Variants in DIAPH1 observed in about 807,000 individuals in gnomAD.
DIAPH1 encodes diaphanous related formin 1.
DIAPH1 carries 46 observed loss-of-function variants against 140.7 expected under a neutral mutation model. The ratio of observed to expected loss-of-function variants is 0.33; its 90% CI spans 0.26 to 0.42. DIAPH1 has a LOEUF of 0.42. DIAPH1 is among the 10% of genes least tolerant of loss of function. The probability of loss-of-function intolerance (pLI) is 1.00; values close to 1 mark genes in which losing one functional copy is unlikely to be tolerated. For synonymous variants in DIAPH1, 565 were observed against 551.6 expected, an observed-to-expected ratio of 1.02 and a Z score of -0.34; for missense variants, 1,310 against 1,558.7, an observed-to-expected ratio of 0.84 and a Z score of 2.69.
At chr5:141,552,189 T>C (rs1402091200) in intron 18 of DIAPH1, among the ~76,000 whole-genome samples, 1 of 151,782 alleles carries the variant, frequency 6.6e-6, no homozygotes, top group Non-Finnish European at 1.5e-5. Flanking sequence ...AAGTTGTTTT[T>C]GTTGTTTTTT....
intron 1 of DIAPH1, among the ~76,000 whole-genome samples, chr5:141,613,106 G>C (rs2099902102): frequency 6.6e-6 from 1 of 152,074 alleles, no homozygotes. Context: ...TTCCCAGATA[G>C]CTACTAAGGA....
chr5:141,567,549 G>T (rs760928426), intron 18 of DIAPH1, among the ~76,000 whole-genome samples: 4 of 152,126 alleles, frequency 2.6e-5, no homozygotes, highest in Admixed American at 1.3e-4. Context: ...CGATTTGAGT[G>T]GAATAAGAAA....
At chr5:141,595,053 AAAAG>A (rs2099899098) in intron 1 of DIAPH1, among the ~76,000 whole-genome samples, 1 of 151,946 alleles carries the variant, frequency 6.6e-6, no homozygotes, top group East Asian at 1.9e-4. Context: ...AAAAAAAAAA[AAAAG>A]AAAGAAAAAA....
intron 20 of DIAPH1, 106 bp from the exon 21 acceptor site, chr5:141,529,379 CAGAA>C (rs2099887867): frequency 2.0e-6 from 2 of 1,007,380 alleles, no homozygotes; most frequent in East Asian, 4.9e-5. Flanking sequence ...AAGGACCATA[CAGAA>C]AGAAACATAT....
In DIAPH1 at chr5:141,573,959, G is replaced by A. The variant is rs769926497; in HGVS notation, c.1891C>T (p.Pro631Ser). 11 of 1,551,696 alleles carry A rather than the reference G, an allele frequency of 7.1e-6. No homozygotes were observed. In the African/African-American group the frequency reaches 9.6e-5, roughly 14 times the overall value. The change falls in exon 16 of 28, where the codon CCT becomes TCT. Residue 631 changes from proline (P) to serine (S), a missense_variant. By Grantham distance (74) the Pro-to-Ser change is moderately conservative (BLOSUM62 -1). Around this residue, in one of 3 missense-constraint regions of DIAPH1, gnomAD observed 589 missense variants for 549.3 expected, o/e 1.07. Coordinates refer to ENST00000389054, the MANE Select transcript of DIAPH1 (RefSeq NM_005219.5). Reference protein sequence around the residue: ...LPGGVCISSPPSLPGGTAISP... With the variant: ...LPGGVCISSPSSLPGGTAISP... ...ATAGCAGTACCTCCAGGTAAAGAAG[G>A]GGGTGAGGAGATGCAAACACCCCCA...
At position 141,573,666 on chromosome 5, in the gene DIAPH1, T is replaced by G. The variant is rs2099895531; in HGVS notation, c.2184A>C (p.Pro728=). Residue 728 remains proline (P), a synonymous_variant, in exon 16 of 28, where the codon CCA becomes CCC. Coordinates refer to ENST00000389054, the MANE Select transcript of DIAPH1 (RefSeq NM_005219.5). ...PPLPGGPGIP[P]PPPFPGGPGI... Reference sequence around the variant, plus strand: ...CAGGGCCTCCGGGAAATGGAGGAGGTGGAGGGATTCCAGGACCACCAGGAA... The same window carrying G: ...CAGGGCCTCCGGGAAATGGAGGAGGGGGAGGGATTCCAGGACCACCAGGAA... The G allele has an allele frequency of 6.3e-7, 1 of 1,596,102 alleles. No individual in the cohort carries two copies. The highest frequency in any genetic ancestry group is 8.5e-7 in the Non-Finnish European group (1 of 1,173,574).
At chr5:141,576,395 T>A in intron 13 of DIAPH1, 101 bp from the exon 14 acceptor site, 1 of 989,322 alleles carries the variant, frequency 1.0e-6, no homozygotes, top group Non-Finnish European at 1.6e-6. Flanking sequence ...TCATTTTTAT[T>A]ATCTTTCTTA....
rs573028461 is a variant in DIAPH1 at position 141,597,827 on chromosome 5, G to T, written c.118-9577C>A. 2.0e-5 allele frequency among the ~76,000 whole-genome samples: 3 copies of T among 152,232 alleles called. No homozygotes were observed. The South Asian group carries it at 6.2e-4, about 32-fold the overall frequency. The stretch of plus-strand genomic sequence containing the variant: ...TCTTTCCTTCTCTGCTCTACTACCT[G>T]GACTGTCAAGGATACTCATTCCCAC... On this transcript the variant is annotated intron_variant, in intron 1 of 27. Coordinates refer to ENST00000389054, the MANE Select transcript of DIAPH1 (RefSeq NM_005219.5).
intron 1 of DIAPH1, among the ~76,000 whole-genome samples, chr5:141,612,732 G>T (rs1055954266): frequency 1.2e-4 from 18 of 152,136 alleles, no homozygotes; most frequent in African/African-American, 4.3e-4. Flanking sequence ...ATGGTTTCAT[G>T]AATAAATATG....
At chr5:141,532,865 A>G (rs1444146167) in intron 19 of DIAPH1, among the ~76,000 whole-genome samples, 2 of 152,236 alleles carry the variant, frequency 1.3e-5, no homozygotes, top group African/African-American at 4.8e-5. Context: ...TCTTTCTTGT[A>G]TCATTTTTTA....
chr5:141,562,922 G>C (rs1263627746), intron 18 of DIAPH1: 1 of 152,148 alleles, frequency 6.6e-6, no homozygotes, highest in Non-Finnish European at 1.5e-5. Context: ...TTTGACACTT[G>C]CTAGATATCC....
intron 1 of DIAPH1, chr5:141,618,514 G>C (rs960134930): frequency 5.9e-6 from 2 of 336,502 alleles, no homozygotes; most frequent in Admixed American, 5.1e-5. Context: ...GGAGAGACGG[G>C]GCTGAGAGCC....
At chr5:141,578,145 C>A in intron 11 of DIAPH1, 80 bp downstream of exon 11, 2 of 1,075,316 alleles carry the variant, frequency 1.9e-6, no homozygotes, top group South Asian at 2.5e-5. Flanking sequence ...CATCATCTCC[C>A]AAACCATTCC....
chr5:141,591,565 G>A (rs891571330), intron 1 of DIAPH1, among the ~76,000 whole-genome samples: 2 of 150,514 alleles, frequency 1.3e-5, no homozygotes, highest in African/African-American at 4.9e-5. Context: ...GGGATGAGTT[G>A]GATACAGAAC....
At chr5:141,593,988 G>T (rs555581283) in intron 1 of DIAPH1, among the ~76,000 whole-genome samples, 52 of 152,196 alleles carry the variant, frequency 3.4e-4, no homozygotes, top group Middle Eastern at 3.4e-3. Context: ...TTAGTATGGG[G>T]TTTCACCATG....
intron 1 of DIAPH1, among the ~76,000 whole-genome samples, chr5:141,594,739 T>A (rs2099899037): frequency 7.5e-6 from 1 of 132,524 alleles, no homozygotes; most frequent in Non-Finnish European, 1.6e-5. Context: ...CAAGACCCAG[T>A]CTCAAAAAAA....
intron 27 of DIAPH1, among the ~76,000 whole-genome samples, chr5:141,519,669 T>C (rs1054845445): frequency 6.6e-6 from 1 of 152,118 alleles, no homozygotes; most frequent in Admixed American, 6.5e-5. Context: ...AGGGAGAAGA[T>C]CAAAATTTCC....
intron 9 of DIAPH1, 102 bp downstream of exon 9, chr5:141,578,986 T>C: frequency 2.3e-6 from 2 of 878,498 alleles, no homozygotes; most frequent in Non-Finnish European, 3.9e-6. Context: ...GTAAAATATA[T>C]AGTTGGGAGG....
At chr5:141,598,702 C>T (rs140228597) in intron 1 of DIAPH1, among the ~76,000 whole-genome samples, 1 of 151,872 alleles carries the variant, frequency 6.6e-6, no homozygotes, top group Non-Finnish European at 1.5e-5. Flanking sequence ...ACAACAACAA[C>T]AACAAAAAAG....
Sources: allele counts gnomAD v4.1 joint callset (sites outside exome capture counted in the v4.1 genomes callset), GRCh38; gene constraint gnomAD v4.1.1; regional missense constraint gnomAD v4.1.1; transcripts MANE v1.5; gene names NCBI Gene and HGNC (gene_info 2026-07-23, HGNC 2026-07-21).